SIPA1L2: variants seen among roughly 807,000 people sequenced by gnomAD.
The protein encoded by SIPA1L2 is signal induced proliferation associated 1 like 2.
A neutral mutation model predicts 163.9 loss-of-function variants in SIPA1L2; 56 were observed. That is an observed-to-expected ratio of 0.34 (90% CI 0.28 to 0.43). SIPA1L2 has a LOEUF of 0.43. Among genes scored for constraint, SIPA1L2 ranks in the 20% least tolerant of loss-of-function variants. SIPA1L2 has a pLI of 1.00. For missense variants in SIPA1L2, 1,974 were observed against 2,193.5 expected (o/e 0.90, Z 2.00); for synonymous variants, 877 against 865.7 (o/e 1.01, Z -0.23).
At chr1:232,406,314 C>A (rs1362022655) in intron 19 of SIPA1L2, among the ~76,000 whole-genome samples, 2 of 152,242 alleles carry the variant, frequency 1.3e-5, no homozygotes, top group African/African-American at 4.8e-5. Context: ...ACACTCCACA[C>A]GTGGAGCCCC....
At chr1:232,499,812 A>ACTC (rs1666373571) in intron 3 of SIPA1L2, among the ~76,000 whole-genome samples, 1 of 151,842 alleles carries the variant, frequency 6.6e-6, no homozygotes, top group South Asian at 2.1e-4. Context: ...GATAGGCTTG[A>ACTC]CTCTTGCTAG....
intron 1 of SIPA1L2, among the ~76,000 whole-genome samples, chr1:232,625,288 T>C (rs980882048): frequency 5.9e-5 from 9 of 152,226 alleles, no homozygotes; most frequent in Admixed American, 4.6e-4. Context: ...AGTTTAACAA[T>C]TTCATCACCG....
intron 10 of SIPA1L2, among the ~76,000 whole-genome samples, chr1:232,449,379 A>G (rs560898930): frequency 7.3e-5 from 11 of 151,650 alleles, no homozygotes; most frequent in Middle Eastern, 3.4e-3. Context: ...TTGGCCGGGC[A>G]CGGTGGTGGG....
intron 22 of SIPA1L2, among the ~76,000 whole-genome samples, chr1:232,401,926 A>G (rs1381278051): frequency 7.2e-5 from 11 of 152,220 alleles, no homozygotes; most frequent in Admixed American, 7.2e-4. Context: ...GGGATACAGA[A>G]TTTAATTTCT....
chr1:232,496,084 A>G (rs963566656), intron 3 of SIPA1L2, among the ~76,000 whole-genome samples: 2 of 152,242 alleles, frequency 1.3e-5, no homozygotes, highest in Admixed American at 6.5e-5. Context: ...ATAATGTCCT[A>G]CATTAACTCA....
chr1:232,575,866 A>G (rs1279782736), intron 1 of SIPA1L2, among the ~76,000 whole-genome samples: 2 of 152,250 alleles, frequency 1.3e-5, no homozygotes, highest in East Asian at 3.8e-4. Flanking sequence ...AGTCTCACAC[A>G]AACTACAACA....
At chr1:232,567,344 A>G (rs1659465333) in intron 2 of SIPA1L2, among the ~76,000 whole-genome samples, 1 of 152,250 alleles carries the variant, frequency 6.6e-6, no homozygotes, top group South Asian at 2.1e-4. Flanking sequence ...GAGAGACTGC[A>G]TCTGTCACCT....
intron 3 of SIPA1L2, among the ~76,000 whole-genome samples, chr1:232,512,473 A>G (rs1667023798): frequency 6.6e-6 from 1 of 152,196 alleles, no homozygotes. Flanking sequence ...ACCAACCCCA[A>G]TGCCCATCAA....
intron 15 of SIPA1L2, among the ~76,000 whole-genome samples, chr1:232,435,224 A>G (rs1662486434): frequency 6.6e-6 from 1 of 152,234 alleles, no homozygotes; most frequent in Non-Finnish European, 1.5e-5. Flanking sequence ...TTGAAAATGT[A>G]TAGGTAATGA....
intron 10 of SIPA1L2, among the ~76,000 whole-genome samples, chr1:232,458,458 C>A (rs1664050183): frequency 1.3e-5 from 2 of 152,106 alleles, no homozygotes; most frequent in South Asian, 4.1e-4. Flanking sequence ...TTTCTAAATA[C>A]CAAATATCAC....
Position 232,607,873 on chromosome 1 carries a change from C to T in SIPA1L2, c.-319+21996G>A, listed in dbSNP as rs571039021. Reference sequence around the variant, plus strand: ...GAGTTTGAAACCAGCCTGACCAACACGGAGAAACCCTGTTTCTACTAAAAA... The same window carrying T: ...GAGTTTGAAACCAGCCTGACCAACATGGAGAAACCCTGTTTCTACTAAAAA... On this transcript the variant is annotated intron_variant, in intron 1 of 22. Coordinates refer to ENST00000674635, the MANE Select transcript of SIPA1L2 (RefSeq NM_020808.5). 4.0e-5 allele frequency among the ~76,000 whole-genome samples: 6 copies of T among 151,250 alleles called. No individual in the cohort carries two copies. The South Asian group carries it at 1.3e-3, about 32-fold the overall frequency.
At chr1:232,425,551 C>T in intron 18 of SIPA1L2, 38 bp downstream of exon 18, 2 of 1,497,668 alleles carry the variant, frequency 1.3e-6, no homozygotes, top group South Asian at 2.5e-5. Flanking sequence ...TCAGCCCACC[C>T]TCGGCGCTGG....
rs1558197738 is a variant in SIPA1L2, at chr1:232,464,966, C to T, written c.2694G>A (p.Arg898=). Residue 898 remains arginine (R), a synonymous_variant, in exon 9 of 23, where the codon AGG becomes AGA. Coordinates refer to ENST00000674635, the MANE Select transcript of SIPA1L2 (RefSeq NM_020808.5). ...ATCCAGATGTCCACCCAATCACATC[C>T]CTGCAGGAACAGTTGAATACAACAT... ...SKNVVFNCSC[R]DVIGWTSGLV... The T allele has an allele frequency of 6.2e-7, 1 of 1,614,066 alleles. No homozygotes were observed. The highest frequency in any genetic ancestry group is 1.3e-5 in the African/African-American group (1 of 74,908).
intron 1 of SIPA1L2, among the ~76,000 whole-genome samples, chr1:232,608,180 G>C (rs1299182301): frequency 6.6e-6 from 1 of 151,962 alleles, no homozygotes; most frequent in African/African-American, 2.4e-5. Context: ...TGAGTAGCTG[G>C]AAATACAGGC....
At chr1:232,461,589 A>C (rs1664238746) in intron 9 of SIPA1L2, among the ~76,000 whole-genome samples, 1 of 152,170 alleles carries the variant, frequency 6.6e-6, no homozygotes, top group African/African-American at 2.4e-5. Context: ...TTTGCAATGG[A>C]AAACCTGTAA....
At chr1:232,542,035 C>T (rs543614326) in intron 2 of SIPA1L2, among the ~76,000 whole-genome samples, 7 of 152,092 alleles carry the variant, frequency 4.6e-5, no homozygotes, top group African/African-American at 1.4e-4. Flanking sequence ...TACAAGATTA[C>T]ATCTGATACA....
At chr1:232,401,487 C>A (rs566228068) in intron 22 of SIPA1L2, among the ~76,000 whole-genome samples, 2 of 152,310 alleles carry the variant, frequency 1.3e-5, no homozygotes, top group African/African-American at 4.8e-5. Flanking sequence ...ACTCTTAGCT[C>A]ATGACTAGAA....
chr1:232,607,742 C>T (rs1385928334), intron 1 of SIPA1L2, among the ~76,000 whole-genome samples: 1 of 149,308 alleles, frequency 6.7e-6, no homozygotes, highest in Non-Finnish European at 1.5e-5. Flanking sequence ...ACTTATTTCC[C>T]ATATTTCACC....
chr1:232,619,215 T>TC (rs1421747327), intron 1 of SIPA1L2, among the ~76,000 whole-genome samples: 20 of 152,188 alleles, frequency 1.3e-4, no homozygotes, highest in African/African-American at 4.8e-4. Context: ...AAAACTCAAA[T>TC]CCTAACCATT....
Sources: gnomAD v4.1 joint callset for allele counts (sites outside exome capture counted in the v4.1 genomes callset) on GRCh38, gnomAD v4.1.1 for gene constraint, MANE v1.5 for transcripts, NCBI Gene and HGNC (gene_info 2026-07-23, HGNC 2026-07-21) for gene names.